The following PPFIBP1 variants were observed in gnomAD, a reference collection of about 807,000 sequenced individuals.
PPFIBP1 encodes liprin-beta-1.
In PPFIBP1, 112 loss-of-function variants were observed where a neutral mutation model predicts 137.8. The ratio of observed to expected loss-of-function variants is 0.81; its 90% CI spans 0.70 to 0.95. The LOEUF (loss-of-function observed/expected upper bound fraction) is 0.95. Ranked by LOEUF, PPFIBP1 falls within the 40% of genes least tolerant of loss-of-function variation. PPFIBP1 has a pLI of 0.00. For missense variants in PPFIBP1, 1,083 were observed against 1,196.6 expected (o/e 0.91, Z 1.40); for synonymous variants, 378 against 417.3 (o/e 0.91, Z 1.15).
rs551622009 is a variant in PPFIBP1, at chr12:27,648,301, C to T, written c.471+459C>T. 2.6e-5 allele frequency among the ~76,000 whole-genome samples: 4 copies of T among 152,240 alleles called. No individual in the cohort carries two copies. In the South Asian group the frequency reaches 6.2e-4, roughly 24 times the overall value. On this transcript the variant is annotated intron_variant, in intron 6 of 29. Coordinates refer to ENST00000228425, the MANE Select transcript of PPFIBP1 (RefSeq NM_003622.4). ...TGCAAATCAAAACTGTAATGAGATA[C>T]TATCTCACCCCAGCTAAAATGGCTT...
rs1307747581 is a variant in PPFIBP1 at position 27,660,901 on chromosome 12, A to G, written c.862A>G (p.Met288Val). The G allele has an allele frequency of 1.2e-6, 2 of 1,613,708 alleles. No homozygotes were observed. The highest frequency in any genetic ancestry group is 1.7e-6 in the Non-Finnish European group (2 of 1,179,844). ...ATTTTCAGACATCGAAGTACAAAAAATGAAAAAAGCTGTGGAGTCCTTGAT... is the reference window on the plus strand; with the variant it reads ...ATTTTCAGACATCGAAGTACAAAAAGTGAAAAAAGCTGTGGAGTCCTTGAT... ...LKEKNIEVQK[M>V]KKAVESLMAA... The change falls in exon 11 of 30, where the codon ATG becomes GTG. Residue 288 changes from methionine to valine, a missense_variant. By Grantham distance (21) the Met-to-Val change is conservative. Coordinates refer to ENST00000228425, the MANE Select transcript of PPFIBP1 (RefSeq NM_003622.4).
chr12:27,555,414 A>G (rs980810350), intron 1 of PPFIBP1, among the ~76,000 whole-genome samples: 5 of 152,194 alleles, frequency 3.3e-5, no homozygotes, highest in African/African-American at 1.2e-4. Context: ...TGTCAGGACT[A>G]TAGATTCCTT....
In PPFIBP1 at chr12:27,676,482, G is replaced by T; in HGVS notation, c.1465G>T (p.Gly489Trp). 6.2e-7 allele frequency: 1 copy of T among 1,603,596 alleles called. No homozygotes were observed. The highest frequency in any genetic ancestry group is 8.5e-7 in the Non-Finnish European group (1 of 1,173,934). The change falls in exon 18 of 30, where the codon GGG (glycine) becomes TGG (tryptophan). Residue 489 changes from glycine to tryptophan, a missense_variant. Gly to Trp is a radical substitution (Grantham distance 184, BLOSUM62 -2). Coordinates refer to ENST00000228425, the MANE Select transcript of PPFIBP1 (RefSeq NM_003622.4). ...TGGGACCCTTCCTCCCAGGCCCCCA[G>T]GGCAGGACACCTCCATGGATGACAA... is the stretch of plus-strand genomic sequence containing the variant. Reference protein sequence around the residue: ...PFGTLPPRPPGQDTSMDDNPF... With the variant: ...PFGTLPPRPPWQDTSMDDNPF...
At chr12:27,544,730 A>G (rs1031537340) in intron 1 of PPFIBP1, among the ~76,000 whole-genome samples, 1 of 152,234 alleles carries the variant, frequency 6.6e-6, no homozygotes, top group Non-Finnish European at 1.5e-5. Flanking sequence ...ATCATTAAAT[A>G]GTCTGGAAAC....
intron 5 of PPFIBP1, among the ~76,000 whole-genome samples, chr12:27,647,243 T>C (rs2058572310): frequency 6.6e-6 from 1 of 152,030 alleles, no homozygotes; most frequent in East Asian, 1.9e-4. Flanking sequence ...TCAAGTGATC[T>C]GCCCGCCTCA....
At position 27,528,699 on chromosome 12, in the gene PPFIBP1, A is replaced by G. The variant is rs554087228; in HGVS notation, c.-124+4334A>G. 5.3e-5 allele frequency among the ~76,000 whole-genome samples: 8 copies of G among 152,308 alleles called. No homozygotes were observed. In the East Asian group the frequency reaches 1.5e-3, roughly 29 times the overall value. On this transcript the variant is annotated intron_variant, in intron 1 of 29. Transcript: ENST00000228425. ...CATTTTTTTTCCACTTCAAAAAAAA[A>G]CCTAACATACCAGACAACTGGATTT...
At position 27,680,113 on chromosome 12, in the gene PPFIBP1, T is replaced by C. The variant is rs745550270; in HGVS notation, c.1895+52T>C. The C allele has an allele frequency of 4.2e-5, 67 of 1,601,914 alleles. No homozygotes were observed. In the South Asian group the frequency reaches 7.5e-4, roughly 18 times the overall value. ...TGCATCTCTACCAAGCATCATAGCCTCATGAGTCCTGCAGTATTAGTACTG... is the reference window on the plus strand; with the variant it reads ...TGCATCTCTACCAAGCATCATAGCCCCATGAGTCCTGCAGTATTAGTACTG... On this transcript the variant is annotated intron_variant, in intron 21 of 29. Coordinates refer to ENST00000228425, the MANE Select transcript of PPFIBP1 (RefSeq NM_003622.4).
chr12:27,625,853 G>A (rs2056774163), intron 2 of PPFIBP1, among the ~76,000 whole-genome samples: 1 of 152,022 alleles, frequency 6.6e-6, no homozygotes, highest in Admixed American at 6.6e-5. Context: ...CAAAGTGCTG[G>A]GATTACAGGG....
intron 2 of PPFIBP1, among the ~76,000 whole-genome samples, chr12:27,594,994 T>G (rs1002918779): frequency 1.3e-5 from 2 of 152,236 alleles, no homozygotes; most frequent in Non-Finnish European, 2.9e-5. Flanking sequence ...TTTTACTAAA[T>G]AAATCTGTAG....
intron 1 of PPFIBP1, among the ~76,000 whole-genome samples, chr12:27,566,098 A>G (rs971883520): frequency 7.9e-5 from 12 of 152,104 alleles, no homozygotes; most frequent in Non-Finnish European, 1.5e-4. Context: ...CTTATTATTA[A>G]GTTTTTTTGG....
rs60834907 is a variant in PPFIBP1 at position 27,678,856 on chromosome 12, C to CAAAAAAAAAAAAAAAA, written c.1616-623_1616-608dup. Among the ~76,000 whole-genome samples the CAAAAAAAAAAAAAAAA allele has an allele frequency of 1.4e-3, 137 of 98,892 alleles. 1 individual carries two copies. The highest frequency in any genetic ancestry group is 8.9e-3 in the East Asian group (24 of 2,710). The allele number at this position is 98,892 out of a possible 152,430, so 64.9% of individuals were successfully genotyped here. On this transcript the variant is annotated intron_variant, in intron 19 of 29. Coordinates refer to ENST00000228425, the MANE Select transcript of PPFIBP1 (RefSeq NM_003622.4). ...TGGGAAACAGAGTGAGACTCTGTCTCAAAAAAAAAAAAAAAAAAAAAAAAA... is the reference window on the plus strand; with the variant it reads ...TGGGAAACAGAGTGAGACTCTGTCTCAAAAAAAAAAAAAAAAAAAAAAAAAAAAAAAAAAAAAAAAA...
At chr12:27,550,889 T>TTAA (rs1463712280) in intron 1 of PPFIBP1, among the ~76,000 whole-genome samples, 1 of 151,498 alleles carries the variant, frequency 6.6e-6, no homozygotes, top group South Asian at 2.1e-4. Context: ...AAGGGTGGCA[T>TTAA]TAATAATAAT....
At chr12:27,613,506 C>A (rs1164590303) in intron 2 of PPFIBP1, among the ~76,000 whole-genome samples, 1 of 152,146 alleles carries the variant, frequency 6.6e-6, no homozygotes, top group Non-Finnish European at 1.5e-5. Flanking sequence ...AATTCGAGAC[C>A]AGCCTGGCCA....
At chr12:27,580,782 T>C (rs1383076317) in intron 2 of PPFIBP1, among the ~76,000 whole-genome samples, 2 of 152,172 alleles carry the variant, frequency 1.3e-5, no homozygotes, top group Non-Finnish European at 2.9e-5. Context: ...CCAGGGTGAG[T>C]CAGTGAAGAC....
At chr12:27,618,284 ATTC>A in intron 2 of PPFIBP1, among the ~76,000 whole-genome samples, 1 of 152,370 alleles carries the variant, frequency 6.6e-6, no homozygotes, top group East Asian at 1.9e-4. Flanking sequence ...GGCCAAGGGC[ATTC>A]CAAAGTTAAC....
intron 2 of PPFIBP1, among the ~76,000 whole-genome samples, chr12:27,625,130 T>C (rs1193491031): frequency 6.6e-6 from 1 of 152,014 alleles, no homozygotes; most frequent in African/African-American, 2.4e-5. Context: ...GGTGTGGTAG[T>C]CCCAGCTACT....
intron 1 of PPFIBP1, among the ~76,000 whole-genome samples, chr12:27,546,882 G>T (rs761474746): frequency 2.0e-5 from 3 of 152,092 alleles, no homozygotes; most frequent in Non-Finnish European, 1.5e-5. Context: ...AGGCATGGTT[G>T]TCCCAGCTAC....
At chr12:27,656,507 A>AT (rs1179393164) in intron 8 of PPFIBP1, 109 bp from the exon 9 acceptor site, 1 of 711,698 alleles carries the variant, frequency 1.4e-6, no homozygotes, top group East Asian at 2.7e-5. Context: ...ATTCTAGTAG[A>AT]TTTGTTTCAT....
chr12:27,679,888 G>A, intron 20 of PPFIBP1, 45 bp from the exon 21 acceptor site: 1 of 1,607,836 alleles, frequency 6.2e-7, no homozygotes, highest in Non-Finnish European at 8.5e-7. Context: ...ACAAGTCTAA[G>A]GCCTCCTCAG....
Sources: allele counts gnomAD v4.1 joint callset (sites outside exome capture counted in the v4.1 genomes callset), GRCh38; gene constraint gnomAD v4.1.1; transcripts MANE v1.5; gene names NCBI Gene and HGNC (gene_info 2026-07-23, HGNC 2026-07-21).